The following ADGRL3 variants were observed in gnomAD, a reference collection of about 807,000 sequenced individuals.
ADGRL3 encodes the protein calcium-independent alpha-latrotoxin receptor 3.
Under a neutral mutation model 153.5 loss-of-function variants are expected in ADGRL3, and 62 were observed. That is an observed-to-expected ratio of 0.40 (90% confidence interval 0.33 to 0.50). ADGRL3 has a LOEUF of 0.50. ADGRL3 is among the 20% of genes least tolerant of loss of function. ADGRL3 has a pLI of 0.47. For missense variants in ADGRL3, 1,641 were observed against 1,859.4 expected (o/e 0.88, Z 2.16); for synonymous variants, 710 against 672.5 (o/e 1.06, Z -0.86).
rs1189749788 is a variant in ADGRL3, at chr4:62,077,596, G to A, written c.*6688G>A. The A allele has an allele frequency of 6.6e-6, 1 of 151,926 alleles. No homozygotes were observed. The highest frequency in any genetic ancestry group is 1.5e-5 in the Non-Finnish European group (1 of 67,868). The allele number at this position is 151,926 out of a possible 1,614,324, so 9.4% of individuals were successfully genotyped here. On this transcript the variant is annotated 3_prime_UTR_variant, in exon 27 of 27. Transcript: ENST00000683033. Reference sequence around the variant, plus strand: ...TAGAGGTCTTTGGGGTTGGAACTCAGGATACAGTGACTAGGACAGAGTGCA... The same window carrying A: ...TAGAGGTCTTTGGGGTTGGAACTCAAGATACAGTGACTAGGACAGAGTGCA...
At chr4:61,247,470 T>A (rs1181947048) in intron 1 of ADGRL3, among the ~76,000 whole-genome samples, 2 of 152,106 alleles carry the variant, frequency 1.3e-5, no homozygotes, top group African/African-American at 2.4e-5. Context: ...AATCATTATC[T>A]GCATTGGTTG....
At chr4:61,296,144 A>G (rs116231032) in intron 1 of ADGRL3, among the ~76,000 whole-genome samples, 187 of 152,332 alleles carry the variant, frequency 1.2e-3, no homozygotes, top group African/African-American at 4.4e-3. Flanking sequence ...ATTTTAAAAT[A>G]GACACTAATT....
intron 1 of ADGRL3, among the ~76,000 whole-genome samples, chr4:61,293,901 G>C (rs1250557210): frequency 6.6e-6 from 1 of 152,070 alleles, no homozygotes; most frequent in Non-Finnish European, 1.5e-5. Context: ...GATGTGAAAA[G>C]GTCTCTTGTG....
chr4:61,492,362 A>G (rs887987620), intron 2 of ADGRL3, among the ~76,000 whole-genome samples: 2 of 152,120 alleles, frequency 1.3e-5, no homozygotes, highest in Non-Finnish European at 2.9e-5. Flanking sequence ...CTATGATATT[A>G]TGATGGAAAA....
intron 8 of ADGRL3, among the ~76,000 whole-genome samples, chr4:61,750,501 A>T (rs940874773): frequency 3.7e-4 from 56 of 152,276 alleles, no homozygotes; most frequent in Non-Finnish European, 6.5e-4. Context: ...ATATATTAGA[A>T]CTGAAGTCGG....
intron 1 of ADGRL3, among the ~76,000 whole-genome samples, chr4:61,218,399 C>T (rs943223137): frequency 6.6e-6 from 1 of 152,130 alleles, no homozygotes; most frequent in African/African-American, 2.4e-5. Context: ...CAGCCTCGAC[C>T]TCCTAACAGA....
chr4:61,700,665 G>A (rs2095740769), intron 6 of ADGRL3, among the ~76,000 whole-genome samples: 2 of 152,110 alleles, frequency 1.3e-5, no homozygotes, highest in African/African-American at 4.8e-5. Flanking sequence ...GTCGGTAACT[G>A]AATTTTGAGC....
At chr4:61,535,121 G>A (rs2098647289) in intron 4 of ADGRL3, among the ~76,000 whole-genome samples, 2 of 151,634 alleles carry the variant, frequency 1.3e-5, no homozygotes, top group Non-Finnish European at 2.9e-5. Flanking sequence ...TTTATGCCTA[G>A]TTTGTTGAGG....
intron 8 of ADGRL3, among the ~76,000 whole-genome samples, chr4:61,752,332 G>A (rs1021684178): frequency 6.6e-6 from 1 of 152,024 alleles, no homozygotes; most frequent in Non-Finnish European, 1.5e-5. Context: ...CTATTATATT[G>A]CCTATTACTA....
At chr4:61,537,920 A>T (rs2098666878) in intron 4 of ADGRL3, among the ~76,000 whole-genome samples, 1 of 152,074 alleles carries the variant, frequency 6.6e-6, no homozygotes, top group Non-Finnish European at 1.5e-5. Flanking sequence ...CATCGATCTC[A>T]TCAAGCTTCC....
At chr4:61,492,998 G>T (rs1341280921) in intron 2 of ADGRL3, among the ~76,000 whole-genome samples, 2 of 152,030 alleles carry the variant, frequency 1.3e-5, no homozygotes, top group Non-Finnish European at 2.9e-5. Flanking sequence ...TAACCACTAA[G>T]ATTTTTATAA....
intron 8 of ADGRL3, among the ~76,000 whole-genome samples, chr4:61,743,791 A>G (rs969342920): frequency 1.8e-4 from 28 of 152,282 alleles, no homozygotes; most frequent in Non-Finnish European, 3.4e-4. Context: ...TGACGCAGAA[A>G]ACGGGTGATT....
intron 13 of ADGRL3, among the ~76,000 whole-genome samples, chr4:61,915,019 C>G (rs1581439913): frequency 6.6e-6 from 1 of 151,824 alleles, no homozygotes; most frequent in East Asian, 1.9e-4. Context: ...GCATTTCATT[C>G]TGAATGTGAA....
chr4:61,825,107 T>G (rs1581015554), intron 9 of ADGRL3, among the ~76,000 whole-genome samples: 1 of 152,294 alleles, frequency 6.6e-6, no homozygotes, highest in African/African-American at 2.4e-5. Context: ...TTATTTCCAT[T>G]TTTTAAGACT....
rs137930769 is a variant in ADGRL3 at position 61,742,190 on chromosome 4, G to A, written c.1399+8636G>A. Among the ~76,000 whole-genome samples the A allele has an allele frequency of 4.7e-4, 71 of 152,248 alleles. No individual in the cohort carries two copies. In the East Asian group the frequency reaches 0.011, roughly 23 times the overall value. On this transcript the variant is annotated intron_variant, in intron 8 of 26. Coordinates refer to ENST00000683033, the MANE Select transcript of ADGRL3 (RefSeq NM_001387552.1). ...GATAAGTGAGAGTTGACTCTATTAC[G>A]TAATAGCTGTTAGAATAGCCAAGTC...
At chr4:61,681,912 C>T (rs1216519610) in intron 6 of ADGRL3, among the ~76,000 whole-genome samples, 2 of 151,640 alleles carry the variant, frequency 1.3e-5, no homozygotes, top group African/African-American at 2.4e-5. Context: ...AATTTCTTTC[C>T]AGTGCCTTTT....
chr4:61,703,786 C>G (rs2095808836), intron 6 of ADGRL3, among the ~76,000 whole-genome samples: 1 of 151,880 alleles, frequency 6.6e-6, no homozygotes, highest in Non-Finnish European at 1.5e-5. Context: ...TATTCTCCAG[C>G]AGGCTATATG....
intron 8 of ADGRL3, among the ~76,000 whole-genome samples, chr4:61,782,937 G>T (rs1042859336): frequency 6.6e-6 from 1 of 152,104 alleles, no homozygotes; most frequent in Non-Finnish European, 1.5e-5. Context: ...AGTCACTGCT[G>T]ATATTTTTCT....
intron 9 of ADGRL3, among the ~76,000 whole-genome samples, chr4:61,871,829 C>G (rs975756695): frequency 2.6e-5 from 4 of 152,122 alleles, no homozygotes; most frequent in African/African-American, 9.7e-5. Flanking sequence ...GAGGCATATT[C>G]TTTTCTCTTG....
Sources: allele counts gnomAD v4.1 joint callset (sites outside exome capture counted in the v4.1 genomes callset), GRCh38; gene constraint gnomAD v4.1.1; transcripts MANE v1.5; gene names NCBI Gene and HGNC (gene_info 2026-07-23, HGNC 2026-07-21).